The following EYA1 variants were observed in gnomAD, a reference collection of about 807,000 sequenced individuals.
EYA1 encodes EYA transcriptional coactivator and phosphatase 1.
Under a neutral mutation model 82.0 loss-of-function variants are expected in EYA1, and 16 were observed. The ratio of observed to expected loss-of-function variants is 0.20; its 90% CI spans 0.13 to 0.30. The LOEUF is 0.30. Among genes scored for constraint, EYA1 ranks in the 10% least tolerant of loss-of-function variants. The pLI, the probability that EYA1 is intolerant of heterozygous loss-of-function variation, is 1.00. For synonymous variants in EYA1, 261 were observed against 264.4 expected (o/e 0.99, Z 0.12); for missense variants, 633 against 730.7 (o/e 0.87, Z 1.54).
At chr8:71,216,178 A>G (rs1809166149) in intron 14 of EYA1, among the ~76,000 whole-genome samples, 1 of 152,192 alleles carries the variant, frequency 6.6e-6, no homozygotes, top group African/African-American at 2.4e-5. Flanking sequence ...TATCCAAAGG[A>G]AGGCACAGGC....
chr8:71,389,268 T>C (rs1829140293), intron 2 of EYA1, among the ~76,000 whole-genome samples: 1 of 152,162 alleles, frequency 6.6e-6, no homozygotes, highest in East Asian at 1.9e-4. Flanking sequence ...TTTATCTTTT[T>C]TAAAGTTTTT....
chr8:71,395,752 CT>C (rs1486612870), intron 2 of EYA1, among the ~76,000 whole-genome samples: 1 of 151,956 alleles, frequency 6.6e-6, no homozygotes, highest in African/African-American at 2.4e-5. Flanking sequence ...GTAAAATTCT[CT>C]TTTTTTGCTG....
At chr8:71,510,842 G>A (rs374138908) in intron 2 of EYA1, among the ~76,000 whole-genome samples, 8 of 152,330 alleles carry the variant, frequency 5.3e-5, no homozygotes, top group African/African-American at 1.9e-4. Flanking sequence ...GGGCTTACAA[G>A]GCTGAAGACT....
At chr8:71,439,495 T>C (rs2129169170) in intron 2 of EYA1, among the ~76,000 whole-genome samples, 1 of 152,346 alleles carries the variant, frequency 6.6e-6, no homozygotes. Context: ...CTAAGAACTG[T>C]TAAATGTCTG....
At chr8:71,362,239 A>C (rs1758554847), upstream of EYA1, 1 of 963,222 alleles carries the variant, frequency 1.0e-6, no homozygotes, top group African/African-American at 1.9e-5. Flanking sequence ...GTTTAAATGC[A>C]ACAATTGAAA....
At chr8:71,540,425 T>C (rs891172921) in intron 1 of EYA1, among the ~76,000 whole-genome samples, 1 of 152,042 alleles carries the variant, frequency 6.6e-6, no homozygotes. Flanking sequence ...ATCACAAACA[T>C]CCTGGCTATT....
intron 2 of EYA1, among the ~76,000 whole-genome samples, chr8:71,419,462 G>T (rs544895192): frequency 6.6e-6 from 1 of 152,178 alleles, no homozygotes; most frequent in South Asian, 2.1e-4. Context: ...TTGTCAAAAA[G>T]CATTTCCCCT....
At position 71,271,808 on chromosome 8, in the gene EYA1, G is replaced by A. The variant is rs761539105; in HGVS notation, c.916C>T (p.Arg306Trp). The A allele has an allele frequency of 7.4e-6, 12 of 1,613,986 alleles. No homozygotes were observed. The highest frequency in any genetic ancestry group is 5.5e-5 in the South Asian group (5 of 91,088). The change falls in exon 10 of 18, where the codon CGG becomes TGG. Residue 306 changes from arginine to tryptophan, a missense_variant. Arg to Trp is a moderately radical substitution (Grantham distance 101). Transcript: ENST00000340726. ...GAAGGATTATTGTTTCTTCGGCCCC[G>A]TCCACGTGATTTCCCATCTGAACCT... ...RRGSDGKSRG[R>W]GRRNNNPSPP...
At chr8:71,348,394 A>T (rs1825968880) in intron 3 of EYA1, among the ~76,000 whole-genome samples, 2 of 152,252 alleles carry the variant, frequency 1.3e-5, no homozygotes, top group African/African-American at 4.8e-5. Flanking sequence ...GGTTTCTCTC[A>T]GAAAATTGGA....
chr8:71,331,285 C>CACACATATAT (rs554459560), intron 4 of EYA1, among the ~76,000 whole-genome samples: 133 of 127,538 alleles, frequency 1.0e-3, no homozygotes, highest in African/African-American at 3.3e-3. Flanking sequence ...CACACACACA[C>CACACATATAT]ATATATATAC....
At chr8:71,453,885 ACAT>A (rs1308786860) in intron 2 of EYA1, among the ~76,000 whole-genome samples, 2 of 152,220 alleles carry the variant, frequency 1.3e-5, no homozygotes, top group African/African-American at 2.4e-5. Flanking sequence ...TAACCAGCTA[ACAT>A]CATAATGACA....
At chr8:71,388,952 T>G (rs767890480) in intron 2 of EYA1, among the ~76,000 whole-genome samples, 18 of 151,964 alleles carry the variant, frequency 1.2e-4, no homozygotes, top group Non-Finnish European at 2.5e-4. Flanking sequence ...ACAAGTCCCT[T>G]GTAGACTAAA....
intron 12 of EYA1, among the ~76,000 whole-genome samples, chr8:71,232,222 G>A (rs1481216517): frequency 6.6e-6 from 1 of 152,210 alleles, no homozygotes; most frequent in African/African-American, 2.4e-5. Context: ...GTACTGACAT[G>A]AGAAAAGTTT....
At chr8:71,370,844 C>T (rs1246212521) in intron 2 of EYA1, among the ~76,000 whole-genome samples, 1 of 151,948 alleles carries the variant, frequency 6.6e-6, no homozygotes, top group African/African-American at 2.4e-5. Context: ...AGGCAAGTCT[C>T]AAACTCCTGA....
chr8:71,333,514 C>G (rs970163672), intron 4 of EYA1, among the ~76,000 whole-genome samples: 2 of 152,144 alleles, frequency 1.3e-5, no homozygotes. Context: ...TTCTCACAAC[C>G]ACCTTATGAT....
chr8:71,500,711 C>T (rs1171520728), intron 2 of EYA1, among the ~76,000 whole-genome samples: 2 of 152,132 alleles, frequency 1.3e-5, no homozygotes, highest in African/African-American at 4.8e-5. Context: ...AAATTACCTA[C>T]ATTCTGCATT....
At position 71,395,503 on chromosome 8, in the gene EYA1, G is replaced by C. The variant is rs376226742; in HGVS notation, c.34-38992C>G. ...TTTATTGAGAGTTTTTAGCATGAAGGGTTGTTGAATTTTGTCAAAGGCCTT... is the reference window on the plus strand; with the variant it reads ...TTTATTGAGAGTTTTTAGCATGAAGCGTTGTTGAATTTTGTCAAAGGCCTT... On this transcript the variant is annotated intron_variant, in intron 2 of 18. Transcript: ENST00000643681. 9.5e-4 allele frequency among the ~76,000 whole-genome samples: 145 copies of C among 152,156 alleles called. 1 individual carries two copies. Among genetic ancestry groups the C allele is most frequent in the African/African-American group, 2.9e-3 (119 of 41,486 alleles).
chr8:71,432,883 A>G (rs925909120), intron 2 of EYA1, among the ~76,000 whole-genome samples: 3 of 152,180 alleles, frequency 2.0e-5, no homozygotes, highest in Non-Finnish European at 4.4e-5. Context: ...ACAAACCACC[A>G]TGGTACTATT....
At position 71,296,496 on chromosome 8, in the gene EYA1, G is replaced by C. The variant is rs77704507; in HGVS notation, c.826+2551C>G. Among the ~76,000 whole-genome samples the C allele has an allele frequency of 0.015, 2,297 of 151,388 alleles. 151 individuals are homozygous for C. In the East Asian group the frequency reaches 0.17, roughly 11 times the overall value. On this transcript the variant is annotated intron_variant, in intron 9 of 17. Coordinates refer to ENST00000340726, the MANE Select transcript of EYA1 (RefSeq NM_000503.6). ...ATGAGATAAATATCACATATACCTA[G>C]ATTTGTCCCTACTGCATAATATAAT... is the stretch of plus-strand genomic sequence containing the variant.
Sources: allele counts gnomAD v4.1 joint callset (sites outside exome capture counted in the v4.1 genomes callset), GRCh38; gene constraint gnomAD v4.1.1; transcripts MANE v1.5; gene names NCBI Gene and HGNC (gene_info 2026-07-23, HGNC 2026-07-21).